The following LAP3 variants were observed in gnomAD, a reference collection of about 807,000 sequenced individuals.
LAP3 encodes cytosol aminopeptidase.
A neutral mutation model predicts 58.8 loss-of-function variants in LAP3; 46 were observed. The ratio of observed to expected loss-of-function variants is 0.78; its 90% CI spans 0.62 to 1.00. LAP3 has a LOEUF of 1.00. Ranked by LOEUF, LAP3 falls within the 50% of genes least tolerant of loss-of-function variation. The probability of loss-of-function intolerance (pLI) is 0.00; values close to 1 mark genes in which losing one functional copy is unlikely to be tolerated. For missense variants in LAP3, 615 were observed against 659.1 expected (o/e 0.93, Z 0.73); for synonymous variants, 257 against 237.7 (o/e 1.08, Z -0.75).
chr4:17,587,257 G>A (rs531563673), intron 6 of LAP3, among the ~76,000 whole-genome samples: 2 of 152,302 alleles, frequency 1.3e-5, no homozygotes, highest in South Asian at 4.1e-4. Flanking sequence ...GGACGCATGG[G>A]TGGGGTATGA....
At chr4:17,604,755 T>A in intron 11 of LAP3, 88 bp downstream of exon 11, 1 of 1,016,684 alleles carries the variant, frequency 9.8e-7, no homozygotes, top group Non-Finnish European at 1.5e-6. Flanking sequence ...AACCCTGTGT[T>A]AAAGTGATTT....
At chr4:17,585,597 A>AT (rs888926224) in intron 6 of LAP3, 4 of 154,288 alleles carry the variant, frequency 2.6e-5, no homozygotes, top group African/African-American at 4.8e-5. Flanking sequence ...TAATTTCTTA[A>AT]TTTTTTGTAG....
chr4:17,584,756 T>A, intron 5 of LAP3: 1 of 445,470 alleles, frequency 2.2e-6, no homozygotes. Context: ...ACCCTCTGGT[T>A]CTGCTTTGTG....
rs1471629621 is a variant in LAP3, at chr4:17,593,998, A to G, written c.864-1412A>G. ...GTGTGTGTAAAAATGTGCTGTTTTT[A>G]TGGTTAATGAAATGACAGTGGTGAG... On this transcript the variant is annotated intron_variant, in intron 7 of 12. Coordinates refer to ENST00000226299, the MANE Select transcript of LAP3 (RefSeq NM_015907.3). Among the ~76,000 whole-genome samples the G allele has an allele frequency of 2.0e-5, 3 of 152,148 alleles. No homozygotes were observed. The East Asian group carries it at 5.8e-4, about 29-fold the overall frequency.
chr4:17,596,921 T>G lies in LAP3; in HGVS notation c.989-125T>G, dbSNP rs946795160. 5 of 728,710 alleles carry G rather than the reference T, an allele frequency of 6.9e-6. No homozygotes were observed. The African/African-American group carries it at 8.7e-5, about 13-fold the overall frequency. The allele number at this position is 728,710 out of a possible 1,614,324, so 45.1% of individuals were successfully genotyped here. On this transcript the variant is annotated intron_variant, in intron 8 of 12. Transcript: ENST00000226299. ...AGTTGTGTCATTGGTGATGTTAAAT[T>G]TGATCAGTTCGTTAAGGTGGCCTTT... is the stretch of plus-strand genomic sequence containing the variant.
At chr4:17,604,540 A>T in intron 10 of LAP3, 48 bp from the exon 11 acceptor site, 2 of 1,463,578 alleles carry the variant, frequency 1.4e-6, no homozygotes, top group Non-Finnish European at 1.9e-6. Flanking sequence ...GGAGGAGCCC[A>T]TTTTGCCTGG....
At chr4:17,597,868 G>A (rs1343308559) in intron 9 of LAP3, among the ~76,000 whole-genome samples, 1 of 152,124 alleles carries the variant, frequency 6.6e-6, no homozygotes, top group African/African-American at 2.4e-5. Flanking sequence ...TGGGTGGCAC[G>A]TGCATGCAGG....
At chr4:17,605,118 C>A (rs1048238911) in intron 11 of LAP3, among the ~76,000 whole-genome samples, 3 of 147,034 alleles carry the variant, frequency 2.0e-5, no homozygotes, top group African/African-American at 7.6e-5. Context: ...ACCCTCACTT[C>A]CACACACACA....
In LAP3 at chr4:17,607,285, T is replaced by C. The variant is rs548413730; in HGVS notation, c.1371-115T>C. The C allele has an allele frequency of 3.0e-5, 23 of 773,990 alleles. 1 individual carries two copies. In the South Asian group the frequency reaches 4.0e-4, roughly 14 times the overall value. 47.9% of individuals were successfully genotyped at this position (773,990 alleles called of 1,614,324 possible). On this transcript the variant is annotated intron_variant, in intron 12 of 12. Coordinates refer to ENST00000226299, the MANE Select transcript of LAP3 (RefSeq NM_015907.3). ...ACTGATATGTGGGTTAGCATCTTAA[T>C]AGGTCTTACAAGCTTGACTCTTGTT... is the stretch of plus-strand genomic sequence containing the variant.
intron 7 of LAP3, 85 bp downstream of exon 7, chr4:17,589,062 G>GT: frequency 7.3e-7 from 1 of 1,376,798 alleles, no homozygotes; most frequent in Non-Finnish European, 9.6e-7. Flanking sequence ...TTTTTGGTTT[G>GT]ATTTTTTTTT....
rs192232704 is a variant in LAP3 at position 17,590,845 on chromosome 4, C to T, written c.863+1868C>T. Among the ~76,000 whole-genome samples the T allele has an allele frequency of 4.8e-3, 734 of 151,596 alleles. 8 individuals are homozygous for T. The highest frequency in any genetic ancestry group is 0.017 in the African/African-American group (707 of 41,304). On this transcript the variant is annotated intron_variant, in intron 7 of 12. Coordinates refer to ENST00000226299, the MANE Select transcript of LAP3 (RefSeq NM_015907.3). ...TCGGTCTCCTGAACTGCTGGGATTA[C>T]AGGCGTGAGCCACTGCGCCTGGCCA...
rs1019156243 is a variant in LAP3, at chr4:17,588,850, G to A, written c.736G>A (p.Gly246Arg). 14 of 1,614,062 alleles carry A rather than the reference G, an allele frequency of 8.7e-6. No homozygotes were observed. Among genetic ancestry groups the A allele is most frequent in the Middle Eastern group, 1.7e-4 (1 of 6,060 alleles). ...GTCTTGGATTGAGGAACAGGCAATGGGATCATTCCTCAGTGTGGCCAAAGG... is the reference window on the plus strand; with the variant it reads ...GTCTTGGATTGAGGAACAGGCAATGAGATCATTCCTCAGTGTGGCCAAAGG... ...PKSWIEEQAM[G>R]SFLSVAKGSD... is the part of the protein sequence containing the mutation. The change falls in exon 7 of 13, where the codon GGA becomes AGA. Residue 246 changes from glycine to arginine, a missense_variant. Transcript: ENST00000226299.
At chr4:17,605,104 A>C (rs1041149126) in intron 11 of LAP3, among the ~76,000 whole-genome samples, 5 of 141,668 alleles carry the variant, frequency 3.5e-5, no homozygotes, top group African/African-American at 8.1e-5. Context: ...TCTTCCCAGC[A>C]GTCACCCTCA....
chr4:17,601,296 C>G (rs1370363248), intron 10 of LAP3, among the ~76,000 whole-genome samples: 4 of 152,074 alleles, frequency 2.6e-5, no homozygotes, highest in Admixed American at 2.6e-4. Context: ...GGAAATAATT[C>G]TGGAATTATA....
At chr4:17,598,371 C>T (rs1713885218) in intron 9 of LAP3, 85 bp from the exon 10 acceptor site, 3 of 1,000,138 alleles carry the variant, frequency 3.0e-6, no homozygotes, top group Non-Finnish European at 4.8e-6. Flanking sequence ...CTTTTTCCAA[C>T]TTTTCCGTCG....
rs1385619965 is a variant in LAP3 at position 17,597,039 on chromosome 4, C to T, written c.989-7C>T. The T allele has an allele frequency of 7.4e-6, 12 of 1,614,024 alleles. No homozygotes were observed. Among genetic ancestry groups the T allele is most frequent in the Middle Eastern group, 3.3e-4 (2 of 6,058 alleles). On this transcript the variant is annotated splice_region_variant and splice_polypyrimidine_tract_variant and intron_variant, in intron 8 of 12. Transcript: ENST00000226299. The stretch of plus-strand genomic sequence containing the variant: ...TACTGTGTGCCTTCATATATTATTT[C>T]CAATAGGTCTGGCCCCTCTTTGTGA...
chr4:17,597,922 G>C lies in LAP3; in HGVS notation c.1078-534G>C, dbSNP rs182914043. 6.6e-5 allele frequency among the ~76,000 whole-genome samples: 10 copies of C among 152,310 alleles called. No homozygotes were observed. In the East Asian group the frequency reaches 1.7e-3, roughly 26 times the overall value. The stretch of plus-strand genomic sequence containing the variant: ...AAAACGACTGGACCTCTATTTAAAA[G>C]AAAGGAATATAGTTAGGAAGTGTTA... On this transcript the variant is annotated intron_variant, in intron 9 of 12. Transcript: ENST00000226299.
At position 17,580,023 on chromosome 4, in the gene LAP3, A is replaced by G. The variant is rs199605433; in HGVS notation, c.218+84A>G. On this transcript the variant is annotated intron_variant, in intron 2 of 12. Coordinates refer to ENST00000226299, the MANE Select transcript of LAP3 (RefSeq NM_015907.3). ...TTCTTTCTTTTCTTTTTTGAAACAGAGTCTTGCTCTGTTGCCCAGGCTGGA... is the reference window on the plus strand; with the variant it reads ...TTCTTTCTTTTCTTTTTTGAAACAGGGTCTTGCTCTGTTGCCCAGGCTGGA... 3 of 539,928 alleles carry G rather than the reference A, an allele frequency of 5.6e-6. No homozygotes were observed. In the African/African-American group the frequency reaches 7.7e-5, roughly 14 times the overall value. The allele number at this position is 539,928 out of a possible 1,614,324, so 33.4% of individuals were successfully genotyped here. A position where few individuals can be genotyped will look rare whatever the true frequency, so the allele number is the denominator to read the frequency against.
Position 17,604,657 on chromosome 4 carries a change from A to G in LAP3, c.1250A>G (p.Lys417Arg), listed in dbSNP as rs1714075593. The G allele has an allele frequency of 6.2e-7, 1 of 1,610,214 alleles. No homozygotes were observed. The highest frequency in any genetic ancestry group is 1.7e-4 in the Middle Eastern group (1 of 6,052). Residue 417 changes from lysine to arginine, a missense_variant, in exon 11 of 13, where the codon AAA (lysine) becomes AGA (arginine). Coordinates refer to ENST00000226299, the MANE Select transcript of LAP3 (RefSeq NM_015907.3). ...ACCAATTCATCCTGGCTCTGGAACA[A>G]ACTCTTCGAGGTAGGAATAATATTT... ...VFTNSSWLWN[K>R]LFEASIETGD...
Sources: allele counts gnomAD v4.1 joint callset (sites outside exome capture counted in the v4.1 genomes callset), GRCh38; gene constraint gnomAD v4.1.1; transcripts MANE v1.5; gene names NCBI Gene and HGNC (gene_info 2026-07-23, HGNC 2026-07-21).